PTPRT: variants seen among roughly 807,000 people sequenced by gnomAD.
PTPRT encodes receptor-type tyrosine-protein phosphatase T.
In PTPRT, 56 loss-of-function variants were observed where a neutral mutation model predicts 176.8. That is an observed-to-expected ratio of 0.32 (90% CI 0.26 to 0.40). The LOEUF is 0.40. Ranked by LOEUF, PTPRT falls within the 10% of genes least tolerant of loss-of-function variation. The pLI is 1.00. For missense variants in PTPRT, 1,540 were observed against 1,908.2 expected (o/e 0.81, Z 3.60); for synonymous variants, 783 against 739.0 (o/e 1.06, Z -0.96).
intron 1 of PTPRT, among the ~76,000 whole-genome samples, chr20:43,076,010 A>G (rs774784049): frequency 3.1e-4 from 47 of 152,272 alleles, no homozygotes; most frequent in Admixed American, 7.2e-4. Flanking sequence ...AATTTTATCA[A>G]ATTTTTCTAA....
chr20:42,592,765 C>T (rs2073602724), intron 7 of PTPRT, among the ~76,000 whole-genome samples: 1 of 152,162 alleles, frequency 6.6e-6, no homozygotes, highest in African/African-American at 2.4e-5. Flanking sequence ...TCCTGGTTTC[C>T]ATCATGAGGC....
chr20:42,035,444 G>C, the PTPRT span, among the ~76,000 whole-genome samples: 43 of 152,176 alleles, frequency 2.8e-4, 1 homozygote, highest in Admixed American at 1.2e-3. Flanking sequence ...CCATGGGAAA[G>C]GTAGCATCAA....
chr20:42,438,458 T>G (rs1256374943), intron 9 of PTPRT, among the ~76,000 whole-genome samples: 1 of 152,204 alleles, frequency 6.6e-6, no homozygotes, highest in Non-Finnish European at 1.5e-5. Flanking sequence ...CATAGCCCTG[T>G]GTCTCTGATA....
chr20:42,554,645 G>T (rs868700590), intron 7 of PTPRT, among the ~76,000 whole-genome samples: 1 of 152,080 alleles, frequency 6.6e-6, no homozygotes, highest in Non-Finnish European at 1.5e-5. Context: ...GGAACCACTC[G>T]CATTTTTGAT....
intron 18 of PTPRT, among the ~76,000 whole-genome samples, chr20:42,131,320 G>T (rs914072928): frequency 6.6e-6 from 1 of 152,194 alleles, no homozygotes; most frequent in Non-Finnish European, 1.5e-5. Context: ...GAAGCTGTAG[G>T]CCTCAAAAAA....
intron 18 of PTPRT, among the ~76,000 whole-genome samples, chr20:42,131,884 T>C (rs929114806): frequency 2.0e-5 from 3 of 152,128 alleles, no homozygotes; most frequent in South Asian, 2.1e-4. Flanking sequence ...TCAGAGGGAA[T>C]GGCTAGAGTG....
At chr20:42,931,756 A>G (rs984840469) in intron 1 of PTPRT, among the ~76,000 whole-genome samples, 3 of 152,200 alleles carry the variant, frequency 2.0e-5, no homozygotes, top group Non-Finnish European at 2.9e-5. Flanking sequence ...TATTTGTCAA[A>G]GGATTGACAC....
intron 1 of PTPRT, among the ~76,000 whole-genome samples, chr20:43,156,621 G>T (rs568398525): frequency 6.6e-6 from 1 of 152,312 alleles, no homozygotes; most frequent in African/African-American, 2.4e-5. Context: ...TCCTGCCATG[G>T]TTTACAATGG....
chr20:42,845,642 G>A (rs2078357596), intron 2 of PTPRT, among the ~76,000 whole-genome samples: 1 of 152,164 alleles, frequency 6.6e-6, no homozygotes, highest in African/African-American at 2.4e-5. Flanking sequence ...TGGAGGAAGG[G>A]CATGGCAGAG....
chr20:42,874,978 T>C (rs2078906794), intron 2 of PTPRT, among the ~76,000 whole-genome samples: 1 of 152,204 alleles, frequency 6.6e-6, no homozygotes. Flanking sequence ...AACCTCTGCC[T>C]CCCAGACAAC....
chr20:42,640,181 G>A (rs914840853), intron 7 of PTPRT, among the ~76,000 whole-genome samples: 3 of 152,030 alleles, frequency 2.0e-5, no homozygotes, highest in East Asian at 1.9e-4. Flanking sequence ...TTGAACCAAC[G>A]TGAAGTGTAA....
At chr20:42,790,569 C>A (rs2077359553) in intron 3 of PTPRT, among the ~76,000 whole-genome samples, 1 of 152,190 alleles carries the variant, frequency 6.6e-6, no homozygotes. Context: ...GCAGGCTGAT[C>A]TCCCTGTCTG....
intron 11 of PTPRT, among the ~76,000 whole-genome samples, chr20:42,346,839 C>T (rs779892593): frequency 6.6e-6 from 1 of 152,208 alleles, no homozygotes; most frequent in Non-Finnish European, 1.5e-5. Flanking sequence ...CACAGCTCCA[C>T]TCAAAGAGGG....
chr20:42,264,439 C>T (rs866849620), intron 13 of PTPRT, among the ~76,000 whole-genome samples: 16 of 152,190 alleles, frequency 1.1e-4, no homozygotes, highest in African/African-American at 3.6e-4. Flanking sequence ...CAAGGCTCGT[C>T]TCCTCCCCCA....
At chr20:42,525,015 C>G (rs2072243615) in intron 7 of PTPRT, among the ~76,000 whole-genome samples, 1 of 152,120 alleles carries the variant, frequency 6.6e-6, no homozygotes, top group African/African-American at 2.4e-5. Flanking sequence ...CATTTTGAGA[C>G]AGGGTTTTGC....
intron 1 of PTPRT, among the ~76,000 whole-genome samples, chr20:42,909,308 C>A (rs927416967): frequency 6.6e-6 from 1 of 152,138 alleles, no homozygotes; most frequent in Non-Finnish European, 1.5e-5. Flanking sequence ...ACCCAGATTT[C>A]TAAAATGCCC....
At chr20:42,417,759 T>C (rs535661184) in intron 9 of PTPRT, among the ~76,000 whole-genome samples, 12 of 151,132 alleles carry the variant, frequency 7.9e-5, no homozygotes, top group African/African-American at 2.9e-4. Flanking sequence ...TTTTTTAGAG[T>C]CAAAGTCTCA....
chr20:42,229,440 A>AT (rs2056088544), intron 15 of PTPRT, among the ~76,000 whole-genome samples: 1 of 152,124 alleles, frequency 6.6e-6, no homozygotes, highest in South Asian at 2.1e-4. Context: ...TTCTATTCCT[A>AT]TTTTTTCTTC....
chr20:42,479,745 A>C (rs2071353169), intron 7 of PTPRT, among the ~76,000 whole-genome samples: 1 of 152,262 alleles, frequency 6.6e-6, no homozygotes, highest in South Asian at 2.1e-4. Flanking sequence ...GCACATGGGA[A>C]TATTTCAAAT....
Sources: allele counts gnomAD v4.1 joint callset (sites outside exome capture counted in the v4.1 genomes callset), GRCh38; gene constraint gnomAD v4.1.1; transcripts MANE v1.5; gene names NCBI Gene and HGNC (gene_info 2026-07-23, HGNC 2026-07-21).